The following IGSF11 variants were observed in gnomAD, a reference collection of about 807,000 sequenced individuals.
IGSF11 encodes the protein immunoglobulin superfamily member 11.
In IGSF11, 22 loss-of-function variants were observed where a neutral mutation model predicts 41.0. That is an observed-to-expected ratio of 0.54 (90% confidence interval 0.38 to 0.77). The LOEUF (loss-of-function observed/expected upper bound fraction) is 0.77. Ranked by LOEUF, IGSF11 falls within the 30% of genes least tolerant of loss-of-function variation. IGSF11 has a pLI of 0.00. For missense variants in IGSF11, 444 were observed against 530.8 expected, an observed-to-expected ratio of 0.84 and a Z score of 1.61; for synonymous variants, 219 against 201.3, an observed-to-expected ratio of 1.09 and a Z score of -0.74.
intron 1 of IGSF11, among the ~76,000 whole-genome samples, chr3:119,094,711 G>A (rs753879442): frequency 2.1e-5 from 3 of 140,796 alleles, no homozygotes; most frequent in East Asian, 2.0e-4. Context: ...CACTCTTGTC[G>A]CCCAGGCTGG....
At chr3:119,106,883 C>T (rs1374013307), upstream of IGSF11, among the ~76,000 whole-genome samples, 1 of 152,114 alleles carries the variant, frequency 6.6e-6, no homozygotes, top group Non-Finnish European at 1.5e-5. Flanking sequence ...TGATGATTTC[C>T]AATTTCATCC....
chr3:119,034,684 C>A lies in IGSF11; in HGVS notation c.-102G>T. 1 of 1,409,610 alleles carries A rather than the reference C, an allele frequency of 7.1e-7. No homozygotes were observed. Among genetic ancestry groups the A allele is most frequent in the Non-Finnish European group, 9.3e-7 (1 of 1,072,788 alleles). The allele number at this position is 1,409,610 out of a possible 1,614,324, so 87.3% of individuals were successfully genotyped here. A position where few individuals can be genotyped will look rare whatever the true frequency, so the allele number is the denominator to read the frequency against. On this transcript the variant is annotated 5_prime_UTR_variant, in exon 1 of 7. Transcript: ENST00000393775. ...GCGCTCTTGGGGCAGCCTGGTCCTC[C>A]CACACCCAGCGCCGGGCCGCTGTTC...
At chr3:118,939,080 T>A (rs1255800147) in intron 1 of IGSF11, among the ~76,000 whole-genome samples, 1 of 152,142 alleles carries the variant, frequency 6.6e-6, no homozygotes, top group African/African-American at 2.4e-5. Flanking sequence ...TTAACATAAA[T>A]GAAAACTTTA....
At chr3:119,013,974 C>CT (rs1183080884) in intron 1 of IGSF11, among the ~76,000 whole-genome samples, 1 of 152,132 alleles carries the variant, frequency 6.6e-6, no homozygotes, top group East Asian at 1.9e-4. Flanking sequence ...CTTGACACTA[C>CT]TTTTACAGAA....
intron 1 of IGSF11, among the ~76,000 whole-genome samples, chr3:119,131,757 A>G (rs1350818641): frequency 6.6e-6 from 1 of 152,210 alleles, no homozygotes; most frequent in African/African-American, 2.4e-5. Context: ...TGTCAGATTC[A>G]CCAAGGTTGA....
intron 1 of IGSF11, among the ~76,000 whole-genome samples, chr3:118,967,448 C>A (rs1945759866): frequency 2.6e-5 from 4 of 152,184 alleles, no homozygotes; most frequent in Admixed American, 2.0e-4. Flanking sequence ...AGCTATTTGC[C>A]AATTGAGAGC....
At chr3:119,005,294 T>C (rs905828578) in intron 1 of IGSF11, among the ~76,000 whole-genome samples, 2 of 147,958 alleles carry the variant, frequency 1.4e-5, no homozygotes, top group Non-Finnish European at 3.0e-5. Flanking sequence ...ACCCCTGCCT[T>C]TTTTTGTTTT....
At chr3:118,922,955 G>A (rs1207742156) in intron 4 of IGSF11, among the ~76,000 whole-genome samples, 2 of 152,078 alleles carry the variant, frequency 1.3e-5, no homozygotes, top group Non-Finnish European at 2.9e-5. Context: ...AGTTAAGAAG[G>A]AACTGACTGG....
chr3:118,944,457 TACACACACACACAC>T lies in IGSF11; in HGVS notation c.53-14196_53-14183del, dbSNP rs3079206. Among the ~76,000 whole-genome samples, 270 of 125,810 alleles carry T rather than the reference TACACACACACACAC, an allele frequency of 2.1e-3. 2 individuals are homozygous for T. The Middle Eastern group carries it at 0.028, about 13-fold the overall frequency. 82.5% of individuals were successfully genotyped at this position (125,810 alleles called of 152,430 possible). On this transcript the variant is annotated intron_variant, in intron 1 of 6. Coordinates refer to ENST00000393775, the MANE Select transcript of IGSF11 (RefSeq NM_001015887.3). Reference sequence around the variant, plus strand: ...TGTGGTCTATTGCCTTAGCTTGAAATACACACACACACACACACACACACACACACACACACACA... The same window carrying T: ...TGTGGTCTATTGCCTTAGCTTGAAATACACACACACACACACACACACACA...
At chr3:118,921,035 C>T (rs1406872408) in intron 4 of IGSF11, among the ~76,000 whole-genome samples, 1 of 152,116 alleles carries the variant, frequency 6.6e-6, no homozygotes, top group African/African-American at 2.4e-5. Context: ...TCACATGGCT[C>T]ATTCCTTCAT....
intron 1 of IGSF11, among the ~76,000 whole-genome samples, chr3:119,001,211 T>A (rs1936799652): frequency 1.3e-5 from 2 of 150,068 alleles, no homozygotes; most frequent in South Asian, 2.1e-4. Context: ...TAATAATCCC[T>A]TTCCTCTCCA....
At chr3:119,034,878 T>A (rs1217090512), upstream of IGSF11, 14 of 1,156,154 alleles carry the variant, frequency 1.2e-5, no homozygotes, top group Non-Finnish European at 1.5e-5. Context: ...GGGGAGCCAC[T>A]CCCCCCAACT....
chr3:118,946,782 GTTTC>G (rs897910328), intron 1 of IGSF11, among the ~76,000 whole-genome samples: 9 of 152,184 alleles, frequency 5.9e-5, no homozygotes, highest in African/African-American at 2.2e-4. Context: ...TGCTATCACT[GTTTC>G]TTTATTTTGG....
At position 119,138,358 on chromosome 3, in the gene IGSF11, T is replaced by A. The variant is rs190472763; in HGVS notation, c.-14+7455A>T. ...AGATTAATGGATTTTTTAAATGTGGTATATATATACAATGGAGTACCACTT... is the reference window on the plus strand; with the variant it reads ...AGATTAATGGATTTTTTAAATGTGGAATATATATACAATGGAGTACCACTT... On this transcript the variant is annotated intron_variant, in intron 1 of 7. Coordinates refer to the IGSF11 transcript ENST00000425327. 1.5e-3 allele frequency among the ~76,000 whole-genome samples: 232 copies of A among 152,168 alleles called. 1 individual carries two copies. The highest frequency in any genetic ancestry group is 5.3e-3 in the African/African-American group (222 of 41,508).
intron 1 of IGSF11, among the ~76,000 whole-genome samples, chr3:119,134,999 A>G (rs1016977245): frequency 6.6e-6 from 1 of 152,172 alleles, no homozygotes; most frequent in Non-Finnish European, 1.5e-5. Context: ...TGGGAAAACT[A>G]GCTAGCCATA....
At chr3:118,934,283 T>TCTA (rs1244871521) in intron 1 of IGSF11, among the ~76,000 whole-genome samples, 2 of 152,200 alleles carry the variant, frequency 1.3e-5, no homozygotes, top group Non-Finnish European at 1.5e-5. Flanking sequence ...ATTCTTGGAC[T>TCTA]CTGGTAAACA....
chr3:118,978,502 G>A (rs1406651470), intron 1 of IGSF11, among the ~76,000 whole-genome samples: 2 of 152,084 alleles, frequency 1.3e-5, no homozygotes, highest in East Asian at 1.9e-4. Flanking sequence ...GCCTGGACCC[G>A]CTAACACTGG....
At chr3:118,943,446 C>T (rs1312808047) in intron 1 of IGSF11, among the ~76,000 whole-genome samples, 1 of 152,112 alleles carries the variant, frequency 6.6e-6, no homozygotes, top group Non-Finnish European at 1.5e-5. Context: ...AAAGACAAGG[C>T]AGGGAATGGG....
At chr3:119,031,257 C>G (rs575135435) in intron 1 of IGSF11, among the ~76,000 whole-genome samples, 1 of 127,574 alleles carries the variant, frequency 7.8e-6, no homozygotes, top group Admixed American at 8.5e-5. Flanking sequence ...GACTCCATCT[C>G]AAATAAATAA....
Sources: gnomAD v4.1 joint callset for allele counts (sites outside exome capture counted in the v4.1 genomes callset) on GRCh38, gnomAD v4.1.1 for gene constraint, MANE v1.5 for transcripts, NCBI Gene and HGNC (gene_info 2026-07-23, HGNC 2026-07-21) for gene names.